The following HYAL4 variants were observed in gnomAD, a reference collection of about 807,000 sequenced individuals.
HYAL4 encodes hyaluronidase-4.
HYAL4 carries 37 observed loss-of-function variants against 35.2 expected under a neutral mutation model. The ratio of observed to expected loss-of-function variants is 1.05; its 90% confidence interval spans 0.81 to 1.38. The LOEUF is 1.38. HYAL4 is among the 40% of genes most tolerant of loss of function. The pLI is 0.00. For missense variants in HYAL4, 572 were observed against 572.4 expected, an observed-to-expected ratio of 1.00 and a Z score of 0.01; for synonymous variants, 198 against 203.2, an observed-to-expected ratio of 0.97 and a Z score of 0.22.
At chr7:123,784,181 C>T in the HYAL4 span, among the ~76,000 whole-genome samples, 1 of 152,174 alleles carries the variant, frequency 6.6e-6, no homozygotes, top group African/African-American at 2.4e-5. Context: ...TAAAAAGAAA[C>T]TCCTTAATTT....
intron 1 of HYAL4, among the ~76,000 whole-genome samples, chr7:123,834,721 A>G (rs1022745079): frequency 1.3e-5 from 2 of 152,194 alleles, no homozygotes; most frequent in African/African-American, 2.4e-5. Flanking sequence ...TGGGTTTGTC[A>G]TAGATAGCTT....
chr7:123,832,961 C>A (rs909563568), intron 1 of HYAL4, among the ~76,000 whole-genome samples: 27 of 152,118 alleles, frequency 1.8e-4, no homozygotes, highest in Admixed American at 6.5e-4. Flanking sequence ...AATATTCCTT[C>A]ATATATAAAT....
chr7:123,828,838 C>T (rs144464657), upstream of HYAL4: 8 of 152,626 alleles, frequency 5.2e-5, no homozygotes, highest in East Asian at 1.4e-3. Flanking sequence ...AATAGCTAAT[C>T]CACACAAATG....
At chr7:123,778,796 G>A in the HYAL4 span, among the ~76,000 whole-genome samples, 4 of 152,226 alleles carry the variant, frequency 2.6e-5, no homozygotes, top group East Asian at 1.9e-4. Flanking sequence ...TTTGACAATT[G>A]AAATATCTAA....
upstream of HYAL4, among the ~76,000 whole-genome samples, chr7:123,842,000 G>GT (rs1337097933): frequency 6.6e-6 from 1 of 151,820 alleles, no homozygotes; most frequent in Admixed American, 6.6e-5. Flanking sequence ...ATCTCTTTCA[G>GT]TTCTGCTCTG....
At chr7:123,792,153 GAA>G in the HYAL4 span, among the ~76,000 whole-genome samples, 5 of 151,940 alleles carry the variant, frequency 3.3e-5, no homozygotes, top group African/African-American at 4.8e-5. Flanking sequence ...AAAATAGGGG[GAA>G]AAAAATCAAG....
chr7:123,768,504 C>T, the HYAL4 span, among the ~76,000 whole-genome samples: 1 of 152,160 alleles, frequency 6.6e-6, no homozygotes. Flanking sequence ...TCGATTCATC[C>T]TCAGACTCAG....
chr7:123,851,896 G>A (rs1364386960), intron 2 of HYAL4, among the ~76,000 whole-genome samples: 1 of 152,164 alleles, frequency 6.6e-6, no homozygotes, highest in African/African-American at 2.4e-5. Flanking sequence ...ATTCTCTGAA[G>A]CATCTGTTGT....
the HYAL4 span, among the ~76,000 whole-genome samples, chr7:123,804,211 A>T: frequency 6.6e-6 from 1 of 152,202 alleles, no homozygotes; most frequent in African/African-American, 2.4e-5. Flanking sequence ...TTTGTAACGA[A>T]GTATATGGTG....
the HYAL4 span, among the ~76,000 whole-genome samples, chr7:123,776,571 GC>G: frequency 6.6e-6 from 1 of 152,126 alleles, no homozygotes; most frequent in African/African-American, 2.4e-5. Flanking sequence ...GCATCACCAC[GC>G]CTGGCTAATT....
At chr7:123,847,537 G>C (rs1277735270) in intron 1 of HYAL4, among the ~76,000 whole-genome samples, 1 of 152,060 alleles carries the variant, frequency 6.6e-6, no homozygotes, top group African/African-American at 2.4e-5. Context: ...CAGCACTTTG[G>C]GAGGCCCAGT....
At chr7:123,795,536 T>C in the HYAL4 span, among the ~76,000 whole-genome samples, 1 of 152,172 alleles carries the variant, frequency 6.6e-6, no homozygotes, top group African/African-American at 2.4e-5. Context: ...CTTCTCATGA[T>C]AGTGAGTTCT....
chr7:123,771,978 T>C, the HYAL4 span, among the ~76,000 whole-genome samples: 1 of 152,096 alleles, frequency 6.6e-6, no homozygotes, highest in Non-Finnish European at 1.5e-5. Context: ...GCCTGTCTGT[T>C]TGAGCTGGGA....
chr7:123,855,294 G>C (rs1806410436), intron 2 of HYAL4, among the ~76,000 whole-genome samples: 1 of 152,180 alleles, frequency 6.6e-6, no homozygotes. Flanking sequence ...TTTCTTCACA[G>C]TGTTGATGGT....
intron 1 of HYAL4, among the ~76,000 whole-genome samples, chr7:123,835,834 C>T (rs996076498): frequency 2.0e-5 from 3 of 152,144 alleles, no homozygotes; most frequent in East Asian, 3.9e-4. Flanking sequence ...TCACTGTTGA[C>T]CCAATGATCA....
At chr7:123,766,175 A>C in the HYAL4 span, among the ~76,000 whole-genome samples, 1 of 152,168 alleles carries the variant, frequency 6.6e-6, no homozygotes, top group African/African-American at 2.4e-5. Context: ...ACTGAGGGAC[A>C]TTACGCTGGC....
rs890785929 is a variant in HYAL4, at chr7:123,877,221, T to G, written c.*66T>G. The G allele has an allele frequency of 2.8e-5, 41 of 1,461,806 alleles. 1 individual carries two copies. The highest frequency in any genetic ancestry group is 3.6e-4 in the Middle Eastern group (2 of 5,510). The allele number at this position is 1,461,806 out of a possible 1,614,324, so 90.6% of individuals were successfully genotyped here. On this transcript the variant is annotated 3_prime_UTR_variant, in exon 5 of 5. Transcript: ENST00000223026. ...GTCATTTAAAGAAGGATGTAACTTATAACATTTTTTTTCTCTTATGAATTC... is the reference window on the plus strand; with the variant it reads ...GTCATTTAAAGAAGGATGTAACTTAGAACATTTTTTTTCTCTTATGAATTC...
Position 123,855,425 on chromosome 7 carries a change from T to G in HYAL4, c.-52+7267T>G, listed in dbSNP as rs578213168. ...GTAACAAAATCCCTCAGCGTTTGCT[T>G]GTTTTAAAGGATTTTATTTCTCCTT... On this transcript the variant is annotated intron_variant, in intron 2 of 4. Transcript: ENST00000223026. 2.6e-5 allele frequency among the ~76,000 whole-genome samples: 4 copies of G among 152,248 alleles called. No individual in the cohort carries two copies. In the South Asian group the frequency reaches 8.3e-4, roughly 32 times the overall value.
the HYAL4 span, among the ~76,000 whole-genome samples, chr7:123,770,440 T>TAAAAAAAA: frequency 8.4e-5 from 10 of 118,504 alleles, no homozygotes; most frequent in Non-Finnish European, 8.9e-5. Context: ...AGACTCCATC[T>TAAAAAAAA]AAAAAAAAAA....
Sources: gnomAD v4.1 joint callset for allele counts (sites outside exome capture counted in the v4.1 genomes callset) on GRCh38, gnomAD v4.1.1 for gene constraint, MANE v1.5 for transcripts, NCBI Gene and HGNC (gene_info 2026-07-23, HGNC 2026-07-21) for gene names.